Variants in BMPR1B observed in about 807,000 individuals in gnomAD.
BMPR1B encodes the protein bone morphogenetic protein receptor type 1B.
Under a neutral mutation model 59.1 loss-of-function variants are expected in BMPR1B, and 12 were observed. The observed-to-expected ratio is 0.20, with a 90% CI of 0.13 to 0.33. The LOEUF is 0.33. Among genes scored for constraint, BMPR1B ranks in the 10% least tolerant of loss-of-function variants. The pLI is 1.00. For synonymous variants in BMPR1B, 237 were observed against 207.3 expected (o/e 1.14, Z -1.23); for missense variants, 550 against 610.9 (o/e 0.90, Z 1.05).
chr4:94,850,091 T>C (rs1250771556), intron 1 of BMPR1B, among the ~76,000 whole-genome samples: 1 of 152,198 alleles, frequency 6.6e-6, no homozygotes, highest in East Asian at 1.9e-4. Context: ...GGGGCTCTTG[T>C]GTGCAGTGGG....
intron 1 of BMPR1B, among the ~76,000 whole-genome samples, chr4:94,828,311 CTTTTA>C (rs1724454834): frequency 6.6e-6 from 1 of 152,038 alleles, no homozygotes; most frequent in Non-Finnish European, 1.5e-5. Context: ...AGTTGAGATG[CTTTTA>C]TTTTATTTGG....
At chr4:94,957,809 TG>T (rs1198986343) in intron 2 of BMPR1B, among the ~76,000 whole-genome samples, 1 of 152,138 alleles carries the variant, frequency 6.6e-6, no homozygotes, top group African/African-American at 2.4e-5. Context: ...ATGTTAAAAA[TG>T]TAAAAAATAC....
intron 3 of BMPR1B, among the ~76,000 whole-genome samples, chr4:95,053,299 G>GTGTGTGTGTGTC (rs1044760112): frequency 1.3e-5 from 2 of 150,988 alleles, no homozygotes; most frequent in African/African-American, 4.9e-5. Flanking sequence ...GTGTGTGTGT[G>GTGTGTGTGTGTC]TGTGTGTGTG....
intron 2 of BMPR1B, among the ~76,000 whole-genome samples, chr4:94,982,961 G>A (rs2120833): frequency 0.22 from 33,837 of 151,064 alleles, 4,795 homozygotes; most frequent in African/African-American, 0.41. Context: ...CTCCAGCCTG[G>A]GCGACAGAGC....
chr4:94,843,699 C>T (rs1319169196), intron 1 of BMPR1B, among the ~76,000 whole-genome samples: 1 of 152,046 alleles, frequency 6.6e-6, no homozygotes, highest in Non-Finnish European at 1.5e-5. Flanking sequence ...TTTGGAAATA[C>T]TGCTCTATTC....
chr4:94,985,509 CTG>C (rs60003954), intron 2 of BMPR1B, among the ~76,000 whole-genome samples: 4,002 of 138,752 alleles, frequency 0.029, 104 homozygotes, highest in African/African-American at 0.064. Flanking sequence ...AAAATAAGAG[CTG>C]TGTGTGTGTG....
intron 1 of BMPR1B, among the ~76,000 whole-genome samples, chr4:94,819,689 C>T (rs983463595): frequency 6.6e-6 from 1 of 152,198 alleles, no homozygotes; most frequent in East Asian, 1.9e-4. Flanking sequence ...TGACCTTGCA[C>T]TCTAATCTGA....
At chr4:94,921,089 A>G (rs1355361570) in intron 2 of BMPR1B, among the ~76,000 whole-genome samples, 2 of 152,170 alleles carry the variant, frequency 1.3e-5, no homozygotes, top group African/African-American at 4.8e-5. Flanking sequence ...TAGTGGTAGC[A>G]TTAAGACTCC....
intron 1 of BMPR1B, among the ~76,000 whole-genome samples, chr4:94,773,269 A>G (rs1448705681): frequency 4.6e-5 from 7 of 152,142 alleles, no homozygotes; most frequent in Admixed American, 1.3e-4. Flanking sequence ...TAATAATAGT[A>G]GCATATATCA....
chr4:95,036,704 C>CTTTTTTT (rs5860386), intron 3 of BMPR1B, among the ~76,000 whole-genome samples: 1 of 128,092 alleles, frequency 7.8e-6, no homozygotes, highest in Non-Finnish European at 1.6e-5. Flanking sequence ...ATACAATTTC[C>CTTTTTTT]TTTTTTTTTT....
At chr4:94,810,677 A>C (rs1200600966) in intron 1 of BMPR1B, among the ~76,000 whole-genome samples, 1 of 152,244 alleles carries the variant, frequency 6.6e-6, no homozygotes, top group East Asian at 1.9e-4. Flanking sequence ...CTTCATATTT[A>C]AGTCTTTTCT....
chr4:94,939,937 G>A (rs151225182), intron 2 of BMPR1B, among the ~76,000 whole-genome samples: 244 of 152,262 alleles, frequency 1.6e-3, no homozygotes, highest in African/African-American at 5.5e-3. Context: ...ACTGTGATCA[G>A]TGCTTTAACT....
intron 2 of BMPR1B, among the ~76,000 whole-genome samples, chr4:94,895,073 C>T (rs1467825106): frequency 4.6e-5 from 7 of 151,928 alleles, no homozygotes; most frequent in Non-Finnish European, 8.8e-5. Flanking sequence ...TGCATCTTCA[C>T]GTTGGAGAGA....
chr4:94,914,045 G>T (rs1728386951), intron 2 of BMPR1B, among the ~76,000 whole-genome samples: 1 of 152,074 alleles, frequency 6.6e-6, no homozygotes, highest in African/African-American at 2.4e-5. Context: ...TAGGAAGGAG[G>T]TAGATAAAAT....
intron 1 of BMPR1B, among the ~76,000 whole-genome samples, chr4:94,774,825 A>G (rs941581096): frequency 3.9e-5 from 6 of 152,126 alleles, no homozygotes; most frequent in Non-Finnish European, 5.9e-5. Flanking sequence ...ATCTTTTACA[A>G]TATGGAATAT....
chr4:94,797,723 G>GA, intron 1 of BMPR1B, among the ~76,000 whole-genome samples: 1 of 152,298 alleles, frequency 6.6e-6, no homozygotes, highest in Admixed American at 6.5e-5. Flanking sequence ...CTTTGCTGAA[G>GA]AAATTCTTGT....
intron 1 of BMPR1B, among the ~76,000 whole-genome samples, chr4:94,793,649 TC>T (rs1335034014): frequency 6.1e-5 from 9 of 146,956 alleles, no homozygotes; most frequent in Middle Eastern, 3.3e-3. Context: ...GTCAAAGTGT[TC>T]CTATTTCTCC....
chr4:95,146,157 G>A (rs1734627472), intron 10 of BMPR1B, among the ~76,000 whole-genome samples: 2 of 152,132 alleles, frequency 1.3e-5, no homozygotes, highest in African/African-American at 4.8e-5. Context: ...ATGTTACTAG[G>A]GAGAAGATTT....
intron 2 of BMPR1B, among the ~76,000 whole-genome samples, chr4:94,905,500 CAAGTT>C (rs200438721): frequency 5.9e-5 from 9 of 151,636 alleles, no homozygotes; most frequent in African/African-American, 1.9e-4. Flanking sequence ...TATTTTCTGT[CAAGTT>C]GAGTTTTATG....
Sources: gnomAD v4.1 joint callset for allele counts (sites outside exome capture counted in the v4.1 genomes callset) on GRCh38, gnomAD v4.1.1 for gene constraint, MANE v1.5 for transcripts, NCBI Gene and HGNC (gene_info 2026-07-23, HGNC 2026-07-21) for gene names.